The following RCL1 variants were observed in gnomAD, a reference collection of about 807,000 sequenced individuals.
RCL1 encodes RNA terminal phosphate cyclase like 1.
RCL1 carries 24 observed loss-of-function variants against 42.4 expected under a neutral mutation model. The ratio of observed to expected loss-of-function variants is 0.57; its 90% CI spans 0.41 to 0.80. The LOEUF (loss-of-function observed/expected upper bound fraction) is 0.80. Among genes scored for constraint, RCL1 ranks in the 30% least tolerant of loss-of-function variants. The pLI is 0.00. For synonymous variants in RCL1, 228 were observed against 177.3 expected, an observed-to-expected ratio of 1.29 and a Z score of -2.27; for missense variants, 578 against 467.9, an observed-to-expected ratio of 1.24 and a Z score of -2.17.
In RCL1 at chr9:4,846,865, C is replaced by G. The variant is rs920957517; in HGVS notation, c.867+2184C>G. ...ACCACTCCACAAGAGGAAAAACATGCAGTTTAAATTAGGTTCTTTAATATT... is the reference window on the plus strand; with the variant it reads ...ACCACTCCACAAGAGGAAAAACATGGAGTTTAAATTAGGTTCTTTAATATT... On this transcript the variant is annotated intron_variant, in intron 7 of 8. Coordinates refer to ENST00000381750, the MANE Select transcript of RCL1 (RefSeq NM_005772.5). Among the ~76,000 whole-genome samples the G allele has an allele frequency of 2.2e-4, 33 of 146,930 alleles. 1 individual carries two copies. The highest frequency in any genetic ancestry group is 7.6e-4 in the African/African-American group (30 of 39,652).
chr9:4,856,086 T>A lies in RCL1; in HGVS notation c.972-4039T>A, dbSNP rs185695338. Among the ~76,000 whole-genome samples the A allele has an allele frequency of 1.9e-3, 291 of 152,322 alleles. 1 individual carries two copies. Among genetic ancestry groups the A allele is most frequent in the Middle Eastern group, 6.8e-3 (2 of 294 alleles). On this transcript the variant is annotated intron_variant, in intron 8 of 8. Transcript: ENST00000381750. ...GGCAGCAGCAAAGGAGAGACCAATC[T>A]GTTTTCTCCTTCAGATGCAGAGTGG...
intron 1 of RCL1, among the ~76,000 whole-genome samples, chr9:4,814,459 G>T (rs372246051): frequency 1.3e-5 from 2 of 151,986 alleles, no homozygotes; most frequent in East Asian, 1.9e-4. Context: ...TAGAGATGGC[G>T]GTCTCGCTTT....
At chr9:4,833,702 G>A (rs1817026120) in intron 4 of RCL1, among the ~76,000 whole-genome samples, 1 of 152,172 alleles carries the variant, frequency 6.6e-6, no homozygotes. Context: ...ATCCAATGTG[G>A]TAAACCGTTT....
chr9:4,847,766 C>G (rs1477235634), intron 7 of RCL1, among the ~76,000 whole-genome samples: 2 of 152,248 alleles, frequency 1.3e-5, no homozygotes, highest in Non-Finnish European at 2.9e-5. Context: ...CCCACCTTCT[C>G]TGTGCTGTAT....
intron 1 of RCL1, among the ~76,000 whole-genome samples, chr9:4,819,817 A>T (rs55807664): frequency 6.6e-6 from 1 of 152,224 alleles, no homozygotes; most frequent in Non-Finnish European, 1.5e-5. Context: ...AAAACAAAAC[A>T]AAACAAAACA....
rs779991323 is a variant in RCL1 at position 4,793,236 on chromosome 9, G to C, written c.136+9G>C. 1.9e-6 allele frequency: 3 copies of C among 1,587,674 alleles called. No homozygotes were observed. The highest frequency in any genetic ancestry group is 2.6e-6 in the Non-Finnish European group (3 of 1,167,120). On this transcript the variant is annotated intron_variant, in intron 1 of 8. Coordinates refer to ENST00000381750, the MANE Select transcript of RCL1 (RefSeq NM_005772.5). Reference sequence around the variant, plus strand: ...CAACCCGGGCCTCCGAGGTAACTTGGTGTGGGCGGCGCGCGGCGTGGGCGC... The same window carrying C: ...CAACCCGGGCCTCCGAGGTAACTTGCTGTGGGCGGCGCGCGGCGTGGGCGC...
chr9:4,827,276 C>CA (rs1207116722), intron 3 of RCL1: 3 of 1,351,512 alleles, frequency 2.2e-6, no homozygotes, highest in Non-Finnish European at 3.0e-6. Flanking sequence ...TAAGAACCTT[C>CA]AAAACAGATG....
chr9:4,858,712 T>C (rs1406780929), intron 8 of RCL1, among the ~76,000 whole-genome samples: 1 of 150,280 alleles, frequency 6.7e-6, no homozygotes, highest in Admixed American at 6.7e-5. Context: ...AGCGTCAGTG[T>C]TTTTAAAGCT....
At chr9:4,834,420 G>A (rs10974805) in intron 5 of RCL1, among the ~76,000 whole-genome samples, 155 bp downstream of exon 5, 3,493 of 150,394 alleles carry the variant, frequency 0.023, 118 homozygotes, top group African/African-American at 0.078. Context: ...TGCTGGCTGA[G>A]TTAGGATGTT....
chr9:4,846,794 A>C (rs1012895853), intron 7 of RCL1, among the ~76,000 whole-genome samples: 1 of 152,212 alleles, frequency 6.6e-6, no homozygotes, highest in Non-Finnish European at 1.5e-5. Flanking sequence ...TGTGGGGTTT[A>C]TATCCCTATA....
At chr9:4,858,610 G>T (rs1013475782) in intron 8 of RCL1, among the ~76,000 whole-genome samples, 13 of 152,162 alleles carry the variant, frequency 8.5e-5, no homozygotes, top group African/African-American at 3.1e-4. Context: ...ATCATTTGTT[G>T]CAATGATTAT....
intron 7 of RCL1, among the ~76,000 whole-genome samples, chr9:4,845,928 G>C (rs181534073): frequency 1.3e-5 from 2 of 152,106 alleles, no homozygotes; most frequent in Non-Finnish European, 2.9e-5. Context: ...AAGTTTTCTC[G>C]TTTATGGTAG....
At chr9:4,826,723 T>TC in intron 2 of RCL1, 135 bp from the exon 3 acceptor site, 1 of 731,962 alleles carries the variant, frequency 1.4e-6, no homozygotes, top group African/African-American at 1.8e-5. Flanking sequence ...AAGTGTGGGC[T>TC]CTTAGCAAGA....
intron 8 of RCL1, among the ~76,000 whole-genome samples, chr9:4,856,445 T>C (rs1286008582): frequency 6.6e-6 from 1 of 152,156 alleles, no homozygotes; most frequent in Non-Finnish European, 1.5e-5. Context: ...GAAGAGCCTC[T>C]TTACTGAGGC....
Position 4,834,212 on chromosome 9 carries a change from G to C in RCL1, c.531G>C (p.Leu177Phe), listed in dbSNP as rs1563846951. The C allele has an allele frequency of 6.2e-7, 1 of 1,613,764 alleles. No homozygotes were observed. The highest frequency in any genetic ancestry group is 2.2e-5 in the East Asian group (1 of 44,874). Residue 177 changes from leucine to phenylalanine, a missense_variant, in exon 5 of 9, where the codon TTG (leucine) becomes TTC (phenylalanine). Physicochemically the swap from Leu to Phe is conservative, Grantham distance 22 (BLOSUM62 0). Transcript: ENST00000381750. ...TCTCATGTCCTGTGAGGAAGGTCTT[G>C]AAGCCCATTCAACTCACAGATCCAG... ...VVFSCPVRKV[L>F]KPIQLTDPGK...
chr9:4,810,044 T>C (rs1816117239), intron 1 of RCL1, among the ~76,000 whole-genome samples: 1 of 152,214 alleles, frequency 6.6e-6, no homozygotes, highest in South Asian at 2.1e-4. Context: ...CTCGAACTCC[T>C]GGCCTCAAGT....
chr9:4,833,314 A>T, intron 4 of RCL1, 86 bp downstream of exon 4: 4 of 981,498 alleles, frequency 4.1e-6, no homozygotes, highest in South Asian at 1.3e-5. Context: ...GACTCAGTGT[A>T]TGTGTGTCAC....
chr9:4,844,525 G>A lies in RCL1; in HGVS notation c.711G>A (p.Lys237=). The A allele has an allele frequency of 6.2e-7, 1 of 1,609,712 alleles. No individual in the cohort carries two copies. The highest frequency in any genetic ancestry group is 1.1e-5 in the South Asian group (1 of 90,394). The part of the protein sequence containing the change: ...TDHMKGVNSG[K]SPGFGLSLVA... ...AGTGTTTGTGCCTTTGTATCTCCAGGTCTCCGGGCTTTGGGTTGTCACTGG... is the reference window on the plus strand; with the variant it reads ...AGTGTTTGTGCCTTTGTATCTCCAGATCTCCGGGCTTTGGGTTGTCACTGG... The change falls in exon 7 of 9, where the codon AAG becomes AAA. Residue 237 remains lysine, a splice_region_variant and synonymous_variant. Coordinates refer to ENST00000381750, the MANE Select transcript of RCL1 (RefSeq NM_005772.5).
intron 1 of RCL1, among the ~76,000 whole-genome samples, chr9:4,812,602 A>T (rs1019614108): frequency 6.6e-6 from 1 of 152,026 alleles, no homozygotes; most frequent in African/African-American, 2.4e-5. Context: ...CTTTTTTCTC[A>T]GAATTGCTTT....
Sources: allele counts gnomAD v4.1 joint callset (sites outside exome capture counted in the v4.1 genomes callset), GRCh38; gene constraint gnomAD v4.1.1; transcripts MANE v1.5; gene names NCBI Gene and HGNC (gene_info 2026-07-23, HGNC 2026-07-21).